Variants in GABRA2 observed in about 807,000 individuals in gnomAD.
GABRA2 encodes gamma-aminobutyric acid receptor subunit alpha-2.
In GABRA2, 16 loss-of-function variants were observed where a neutral mutation model predicts 48.7. The observed-to-expected ratio is 0.33, with a 90% CI of 0.22 to 0.50. The LOEUF (loss-of-function observed/expected upper bound fraction) is 0.50, where lower values mean the gene tolerates loss of function less well. Ranked by LOEUF, GABRA2 falls within the 20% of genes least tolerant of loss-of-function variation. GABRA2 has a pLI of 0.98. For synonymous variants in GABRA2, 185 were observed against 184.5 expected (o/e 1.00, Z -0.02); for missense variants, 275 against 535.6 (o/e 0.51, Z 4.80).
rs1014118766 is a variant in GABRA2 at position 46,246,106 on chromosome 4, T to C, written c.*4202A>G. ...AGTATTTTAGTTATGATGCTTACTA[T>C]GATAGAATAACGACTCTTAAAATAT... is the stretch of plus-strand genomic sequence containing the variant. On this transcript the variant is annotated 3_prime_UTR_variant, in exon 10 of 10. Coordinates refer to ENST00000381620, the MANE Select transcript of GABRA2 (RefSeq NM_000807.4). Among the ~76,000 whole-genome samples, 16 of 151,076 alleles carry C rather than the reference T, an allele frequency of 1.1e-4. No individual in the cohort carries two copies. Among genetic ancestry groups the C allele is most frequent in the Admixed American group, 9.9e-4 (15 of 15,086 alleles).
At chr4:46,303,393 A>T in intron 8 of GABRA2, 67 bp downstream of exon 8, 2 of 1,434,194 alleles carry the variant, frequency 1.4e-6, no homozygotes, top group East Asian at 4.6e-5. Context: ...GGATCAAGAG[A>T]GATAATGTTT....
chr4:46,306,243 T>C (rs2109647883), intron 6 of GABRA2, among the ~76,000 whole-genome samples: 1 of 152,340 alleles, frequency 6.6e-6, no homozygotes, highest in South Asian at 2.1e-4. Context: ...AACGCTATAC[T>C]TGCATCAAGT....
rs534138333 is a variant in GABRA2 at position 46,348,170 on chromosome 4, A to G, written c.188-15488T>C. On this transcript the variant is annotated intron_variant, in intron 3 of 9. Transcript: ENST00000381620. ...ATTTATGCAGCCAAAAGTCACATGA[A>G]AAAATGCTCATCATCACTGGCCATC... Among the ~76,000 whole-genome samples, 357 of 152,278 alleles carry G rather than the reference A, an allele frequency of 2.3e-3. 3 individuals carry two copies. Among genetic ancestry groups the G allele is most frequent in the African/African-American group, 8.0e-3 (331 of 41,568 alleles).
intron 3 of GABRA2, among the ~76,000 whole-genome samples, chr4:46,380,853 C>T (rs886772537): frequency 6.6e-6 from 1 of 152,028 alleles, no homozygotes; most frequent in African/African-American, 2.4e-5. Flanking sequence ...TAATAAAATC[C>T]ATGGAAACAT....
intron 3 of GABRA2, among the ~76,000 whole-genome samples, chr4:46,380,205 T>A (rs1716572433): frequency 6.6e-6 from 1 of 152,236 alleles, no homozygotes; most frequent in African/African-American, 2.4e-5. Flanking sequence ...TTATCTTGAA[T>A]TGATGGTGCC....
At position 46,312,714 on chromosome 4, in the gene GABRA2, T is replaced by C. The variant is rs760271890; in HGVS notation, c.258A>G (p.Glu86=). The change falls in exon 5 of 10, where the codon GAA becomes GAG. Residue 86 remains glutamate (E), a splice_region_variant and synonymous_variant. Coordinates refer to ENST00000381620, the MANE Select transcript of GABRA2 (RefSeq NM_000807.4). The part of the protein sequence containing the change: ...SFGPVSDTDM[E]YTIDVFFRQK... ...GTCGAAAGAAAACATCAATTGTATATTCCTGAAATAAAAAATAGAATTTTT... is the reference window on the plus strand; with the variant it reads ...GTCGAAAGAAAACATCAATTGTATACTCCTGAAATAAAAAATAGAATTTTT... 3 of 1,444,550 alleles carry C rather than the reference T, an allele frequency of 2.1e-6. No individual in the cohort carries two copies. The highest frequency in any genetic ancestry group is 4.8e-5 in the East Asian group (2 of 41,320). 89.5% of individuals were successfully genotyped at this position (1,444,550 alleles called of 1,614,324 possible).
In GABRA2 at chr4:46,303,427, A is replaced by C. The variant is rs779664809; in HGVS notation, c.856+33T>G. 8.9e-6 allele frequency: 14 copies of C among 1,572,758 alleles called. No individual in the cohort carries two copies. The East Asian group carries it at 3.1e-4, about 35-fold the overall frequency. ...TTTTGAAAGTATGCTATGAAACATA[A>C]TGTGCTGTACTGCAAAGTGTGTATT... On this transcript the variant is annotated intron_variant, in intron 8 of 9. Coordinates refer to ENST00000381620, the MANE Select transcript of GABRA2 (RefSeq NM_000807.4).
chr4:46,305,768 G>A, intron 6 of GABRA2, 57 bp from the exon 7 acceptor site: 11 of 1,285,178 alleles, frequency 8.6e-6, no homozygotes, highest in Non-Finnish European at 1.1e-5. Context: ...TCAATCTAGT[G>A]CTACACGAAC....
intron 9 of GABRA2, among the ~76,000 whole-genome samples, chr4:46,257,537 C>A (rs1034681210): frequency 8.6e-5 from 13 of 151,666 alleles, no homozygotes; most frequent in African/African-American, 3.1e-4. Flanking sequence ...GAAATACTCC[C>A]AGTCACATGG....
At chr4:46,254,127 T>C (rs1422748054) in intron 9 of GABRA2, among the ~76,000 whole-genome samples, 1 of 151,458 alleles carries the variant, frequency 6.6e-6, no homozygotes, top group Non-Finnish European at 1.5e-5. Context: ...AGCTAAATGA[T>C]ATCCAGGAGG....
intron 3 of GABRA2, among the ~76,000 whole-genome samples, chr4:46,335,715 C>T (rs1257032660): frequency 2.6e-5 from 4 of 152,094 alleles, no homozygotes; most frequent in African/African-American, 7.2e-5. Flanking sequence ...AGGTGATCCA[C>T]CCACCTCGGC....
chr4:46,345,273 G>T (rs967862092), intron 3 of GABRA2, among the ~76,000 whole-genome samples: 1 of 151,740 alleles, frequency 6.6e-6, no homozygotes, highest in Non-Finnish European at 1.5e-5. Flanking sequence ...ACCCAGTCTT[G>T]GGTATGTCTT....
chr4:46,299,124 G>T lies in GABRA2; in HGVS notation c.856+4336C>A, dbSNP rs1725274738. 2.0e-5 allele frequency among the ~76,000 whole-genome samples: 3 copies of T among 151,466 alleles called. No homozygotes were observed. The South Asian group carries it at 6.2e-4, about 31-fold the overall frequency. On this transcript the variant is annotated intron_variant, in intron 8 of 9. Transcript: ENST00000381620. ...ATTCTGTAATAAAATGGAATAAATA[G>T]ATCATAAGCATATGTAATATTAGTA...
intron 3 of GABRA2, among the ~76,000 whole-genome samples, chr4:46,359,911 C>T (rs1179953726): frequency 1.4e-5 from 2 of 138,806 alleles, no homozygotes; most frequent in Admixed American, 1.5e-4. Flanking sequence ...AGTGAGACTC[C>T]ATCTCAAAAA....
intron 8 of GABRA2, among the ~76,000 whole-genome samples, chr4:46,272,807 G>A (rs1314468414): frequency 6.6e-6 from 1 of 152,026 alleles, no homozygotes; most frequent in Middle Eastern, 3.2e-3. Flanking sequence ...CATGAAAGAA[G>A]ATGAGGCCAG....
At chr4:46,338,538 A>AAGTT (rs1732658373) in intron 3 of GABRA2, among the ~76,000 whole-genome samples, 1 of 151,964 alleles carries the variant, frequency 6.6e-6, no homozygotes, top group Non-Finnish European at 1.5e-5. Flanking sequence ...TATCTTTATA[A>AAGTT]AGTTAATAAT....
In GABRA2 at chr4:46,248,048, G is replaced by T. The variant is rs925130436; in HGVS notation, c.*2260C>A. On this transcript the variant is annotated 3_prime_UTR_variant, in exon 10 of 10. Coordinates refer to ENST00000381620, the MANE Select transcript of GABRA2 (RefSeq NM_000807.4). ...TCTGCCATAAATGCTAATAATACTG[G>T]TGCCATCAATATAGTAGCAGCTCTT... Among the ~76,000 whole-genome samples the T allele has an allele frequency of 6.6e-6, 1 of 151,216 alleles. No individual in the cohort carries two copies. Among genetic ancestry groups the T allele is most frequent in the Non-Finnish European group, 1.5e-5 (1 of 67,512 alleles).
intron 8 of GABRA2, among the ~76,000 whole-genome samples, chr4:46,271,094 ATG>A (rs1719241269): frequency 6.6e-6 from 1 of 152,000 alleles, no homozygotes; most frequent in Admixed American, 6.6e-5. Context: ...AAACCTTCCT[ATG>A]TATTTGTGGT....
At chr4:46,308,909 G>A (rs545617219) in intron 6 of GABRA2, among the ~76,000 whole-genome samples, 8 of 151,058 alleles carry the variant, frequency 5.3e-5, no homozygotes, top group African/African-American at 1.9e-4. Flanking sequence ...ATTACATCTT[G>A]AATTAATCTT....
Sources: gnomAD v4.1 joint callset for allele counts (sites outside exome capture counted in the v4.1 genomes callset) on GRCh38, gnomAD v4.1.1 for gene constraint, MANE v1.5 for transcripts, NCBI Gene and HGNC (gene_info 2026-07-23, HGNC 2026-07-21) for gene names.